Variants in NIPA1 observed in about 807,000 individuals in gnomAD.
NIPA1 encodes the protein NIPA magnesium transporter 1.
In NIPA1, 13 loss-of-function variants were observed where a neutral mutation model predicts 23.9. That is an observed-to-expected ratio of 0.54 (90% confidence interval 0.35 to 0.87). The LOEUF is 0.87. Among genes scored for constraint, NIPA1 ranks in the 40% least tolerant of loss-of-function variants. The pLI, the probability that NIPA1 is intolerant of heterozygous loss-of-function variation, is 0.01. For missense variants in NIPA1, 362 were observed against 429.7 expected, an observed-to-expected ratio of 0.84 and a Z score of 1.39; for synonymous variants, 234 against 202.9, an observed-to-expected ratio of 1.15 and a Z score of -1.30.
At chr15:22,807,701 A>C (rs1895236934) in intron 1 of NIPA1, among the ~76,000 whole-genome samples, 1 of 152,184 alleles carries the variant, frequency 6.6e-6, no homozygotes, top group Admixed American at 6.5e-5. Flanking sequence ...AAAAAGAAGA[A>C]TCAAATTACT....
intron 1 of NIPA1, among the ~76,000 whole-genome samples, chr15:22,792,397 T>C (rs1009460974): frequency 5.3e-5 from 8 of 151,946 alleles, no homozygotes; most frequent in South Asian, 2.1e-4. Flanking sequence ...CTCGCTCTGT[T>C]GCCCAGGCTG....
intron 1 of NIPA1, among the ~76,000 whole-genome samples, chr15:22,787,297 C>T (rs1436829115): frequency 2.0e-5 from 3 of 152,166 alleles, no homozygotes; most frequent in South Asian, 2.1e-4. Flanking sequence ...CGATGCGCGG[C>T]CCGCTCCTAG....
intron 1 of NIPA1, among the ~76,000 whole-genome samples, chr15:22,801,963 A>T (rs1363034626): frequency 6.6e-6 from 1 of 152,138 alleles, no homozygotes; most frequent in East Asian, 1.9e-4. Flanking sequence ...ATGTGTTAAT[A>T]TGTGCTGTAC....
intron 4 of NIPA1, 72 bp from the exon 5 acceptor site, chr15:22,823,656 G>T: frequency 6.7e-7 from 1 of 1,496,474 alleles, no homozygotes. Flanking sequence ...CCCGGGTGCT[G>T]CCCCAGTCCA....
chr15:22,816,509 T>TTTTTTC (rs1895423056), intron 3 of NIPA1, among the ~76,000 whole-genome samples: 2 of 132,948 alleles, frequency 1.5e-5, no homozygotes, highest in Non-Finnish European at 3.2e-5. Context: ...TTTTTTTTTT[T>TTTTTTC]CAGATGGAGT....
At chr15:22,791,374 C>T (rs1039917973) in intron 1 of NIPA1, among the ~76,000 whole-genome samples, 2 of 151,440 alleles carry the variant, frequency 1.3e-5, no homozygotes, top group South Asian at 2.1e-4. Context: ...CAGGTGGTAG[C>T]ATTTCTAGAT....
At chr15:22,802,481 G>C (rs1383177043) in intron 1 of NIPA1, among the ~76,000 whole-genome samples, 2 of 151,640 alleles carry the variant, frequency 1.3e-5, no homozygotes, top group Non-Finnish European at 2.9e-5. Context: ...ACCTCCATGA[G>C]TGCACGAATA....
chr15:22,809,384 C>T (rs992792571), intron 1 of NIPA1, among the ~76,000 whole-genome samples: 2 of 151,830 alleles, frequency 1.3e-5, no homozygotes, highest in African/African-American at 4.8e-5. Context: ...GATACTCCAT[C>T]TCAAAAAAAG....
intron 1 of NIPA1, among the ~76,000 whole-genome samples, chr15:22,788,373 C>G (rs1020165447): frequency 2.6e-5 from 4 of 151,834 alleles, no homozygotes; most frequent in African/African-American, 9.7e-5. Flanking sequence ...TGGTGGCACG[C>G]ACCTGTAGTA....
chr15:22,822,645 A>G (rs1285521270), intron 4 of NIPA1, among the ~76,000 whole-genome samples: 1 of 152,118 alleles, frequency 6.6e-6, no homozygotes, highest in East Asian at 1.9e-4. Flanking sequence ...CCTGGCCAAC[A>G]TGGCGAAACC....
At chr15:22,810,930 C>A in intron 2 of NIPA1, 134 bp downstream of exon 2, 1 of 757,924 alleles carries the variant, frequency 1.3e-6, no homozygotes. Context: ...CTCCCCAGGC[C>A]CTAAGCGTGC....
chr15:22,812,199 C>A lies in NIPA1; in HGVS notation c.263C>A (p.Thr88Lys). 4 of 1,613,718 alleles carry A rather than the reference C, an allele frequency of 2.5e-6. No homozygotes were observed. Among genetic ancestry groups the A allele is most frequent in the Non-Finnish European group, 3.4e-6 (4 of 1,179,716 alleles). The part of the protein sequence containing the change: ...VGQIGNFLAY[T>K]AVPTVLVTPL... Reference sequence around the variant, plus strand: ...CAGATTGGAAACTTCCTGGCTTACACGGCGGTCCCCACGGTCCTGGTAACC... The same window carrying A: ...CAGATTGGAAACTTCCTGGCTTACAAGGCGGTCCCCACGGTCCTGGTAACC... Residue 88 changes from threonine (T) to lysine (K), a missense_variant, in exon 3 of 5, where the codon ACG becomes AAG. Around this residue, in one of 2 missense-constraint regions of NIPA1, gnomAD observed 277 missense variants for 372.0 expected, o/e 0.74. Transcript: ENST00000337435.
At chr15:22,810,957 C>T (rs1895304171) in intron 2 of NIPA1, 161 bp downstream of exon 2, 4 of 692,514 alleles carry the variant, frequency 5.8e-6, no homozygotes, top group East Asian at 5.3e-5. Context: ...GTTCGGATGT[C>T]CCTGCCTCCC....
At chr15:22,815,682 T>C (rs1416222126) in intron 3 of NIPA1, among the ~76,000 whole-genome samples, 3 of 150,294 alleles carry the variant, frequency 2.0e-5, no homozygotes, top group African/African-American at 7.3e-5. Context: ...GAACTAATTC[T>C]CTTATGAATA....
intron 3 of NIPA1, among the ~76,000 whole-genome samples, chr15:22,816,771 A>C (rs1243812642): frequency 6.6e-6 from 1 of 150,682 alleles, no homozygotes; most frequent in South Asian, 2.1e-4. Context: ...GATTACAGGC[A>C]TGAGCCACCA....
At chr15:22,804,860 C>CG (rs1895171538) in intron 1 of NIPA1, among the ~76,000 whole-genome samples, 1 of 151,512 alleles carries the variant, frequency 6.6e-6, no homozygotes, top group Admixed American at 6.6e-5. Context: ...TTTTTTAAGA[C>CG]GGAGTCCGCT....
rs373779381 is a variant in NIPA1, at chr15:22,814,254, T to G, written c.317+2001T>G. 125 of 331,366 alleles carry G rather than the reference T, an allele frequency of 3.8e-4. 1 individual carries two copies. The highest frequency in any genetic ancestry group is 1.0e-3 in the African/African-American group (46 of 44,312). 20.5% of individuals were successfully genotyped at this position (331,366 alleles called of 1,614,324 possible). ...GTGCATATATGTATGTATATATGAG[T>G]TTTTTTTTTGTTTTTTTTTTTGAGA... is the stretch of plus-strand genomic sequence containing the variant. On this transcript the variant is annotated intron_variant, in intron 3 of 4. Coordinates refer to ENST00000337435, the MANE Select transcript of NIPA1 (RefSeq NM_144599.5).
intron 1 of NIPA1, among the ~76,000 whole-genome samples, chr15:22,799,548 C>T (rs559118159): frequency 6.6e-6 from 1 of 151,874 alleles, no homozygotes; most frequent in Non-Finnish European, 1.5e-5. Flanking sequence ...TTTGGGAGGC[C>T]AAGGTGGGCA....
At chr15:22,814,738 T>C (rs990114741) in intron 3 of NIPA1, among the ~76,000 whole-genome samples, 2 of 152,272 alleles carry the variant, frequency 1.3e-5, no homozygotes, top group African/African-American at 4.8e-5. Flanking sequence ...AAAAAACTTT[T>C]GGGAAATATT....
Sources: gnomAD v4.1 joint callset for allele counts (sites outside exome capture counted in the v4.1 genomes callset) on GRCh38, gnomAD v4.1.1 for gene constraint, gnomAD v4.1.1 regional missense constraint, MANE v1.5 for transcripts, NCBI Gene and HGNC (gene_info 2026-07-23, HGNC 2026-07-21) for gene names.